Variants in GJA3 observed in about 807,000 individuals in gnomAD.
GJA3 encodes gap junction alpha-3 protein.
For synonymous variants in GJA3, 297 were observed against 292.6 expected (o/e 1.02, Z -0.15); for missense variants, 571 against 620.3 (o/e 0.92, Z 0.84).
intron 1 of GJA3, among the ~76,000 whole-genome samples, chr13:20,151,973 C>T (rs2141143272): frequency 6.6e-6 from 1 of 152,214 alleles, no homozygotes; most frequent in African/African-American, 2.4e-5. Flanking sequence ...CGGGAGGGCA[C>T]CAGCACTGGT....
chr13:20,147,796 T>C (rs1958852024), intron 1 of GJA3, among the ~76,000 whole-genome samples: 1 of 152,222 alleles, frequency 6.6e-6, no homozygotes, highest in South Asian at 2.1e-4. Flanking sequence ...TTCATTGCTT[T>C]AATCATGTCT....
At chr13:20,161,484 C>T (rs1339689257), upstream of GJA3, among the ~76,000 whole-genome samples, 1 of 152,098 alleles carries the variant, frequency 6.6e-6, no homozygotes, top group South Asian at 2.1e-4. Flanking sequence ...TCCGGGCGCT[C>T]CCACGGTCGG....
In GJA3 at chr13:20,141,910, G is replaced by C. The variant is rs1262873198; in HGVS notation, c.*71C>G. ...ACTTTCAGGTTCTATCTGCTGGTGGGAAGTGCACTTTGGTTTTGGTTTCTA... is the reference window on the plus strand; with the variant it reads ...ACTTTCAGGTTCTATCTGCTGGTGGCAAGTGCACTTTGGTTTTGGTTTCTA... On this transcript the variant is annotated 3_prime_UTR_variant, in exon 2 of 2. Coordinates refer to ENST00000241125, the MANE Select transcript of GJA3 (RefSeq NM_021954.4). The C allele has an allele frequency of 6.5e-7, 1 of 1,533,030 alleles. No individual in the cohort carries two copies. Among genetic ancestry groups the C allele is most frequent in the Non-Finnish European group, 8.8e-7 (1 of 1,134,100 alleles). 95.0% of individuals were successfully genotyped at this position (1,533,030 alleles called of 1,614,324 possible). A position where few individuals can be genotyped will look rare whatever the true frequency, so the allele number is the denominator to read the frequency against.
In GJA3 at chr13:20,140,364, C is replaced by T. The variant is rs919522836; in HGVS notation, c.*1617G>A. ...GAATCTGAGACTTGGAAATTGCATT[C>T]CTTTCATCAGATTGTTAGTGGAGCA... is the stretch of plus-strand genomic sequence containing the variant. On this transcript the variant is annotated 3_prime_UTR_variant, in exon 2 of 2. Coordinates refer to ENST00000241125, the MANE Select transcript of GJA3 (RefSeq NM_021954.4). 1.7e-4 allele frequency: 26 copies of T among 152,150 alleles called. No homozygotes were observed. Among genetic ancestry groups the T allele is most frequent in the African/African-American group, 5.6e-4 (23 of 41,434 alleles). The allele number at this position is 152,150 out of a possible 1,614,324, so 9.4% of individuals were successfully genotyped here. A position where few individuals can be genotyped will look rare whatever the true frequency, so the allele number is the denominator to read the frequency against.
intron 1 of GJA3, among the ~76,000 whole-genome samples, chr13:20,147,841 C>A (rs554356057): frequency 2.6e-5 from 4 of 152,248 alleles, no homozygotes; most frequent in African/African-American, 9.6e-5. Context: ...ATACACTTTG[C>A]ACGCTTAGCC....
At position 20,142,755 on chromosome 13, in the gene GJA3, G is replaced by A; in HGVS notation, c.534C>T (p.Leu178=). The A allele has an allele frequency of 6.2e-7, 1 of 1,613,652 alleles. No individual in the cohort carries two copies. Among genetic ancestry groups the A allele is most frequent in the Non-Finnish European group, 8.5e-7 (1 of 1,179,934 alleles). ...GGCAGGGCCAGCGGTCGCAGCGGTA[G>A]AGCGGCTTCAGCTCGAAGCCGTACA... ...YFLYGFELKP[L]YRCDRWPCPN... The change falls in exon 2 of 2, where the codon CTC becomes CTT. Residue 178 remains leucine, a synonymous_variant. Transcript: ENST00000241125.
intron 1 of GJA3, among the ~76,000 whole-genome samples, chr13:20,148,253 C>CTTTTTTT (rs71074204): frequency 1.9e-4 from 17 of 90,732 alleles, no homozygotes; most frequent in Non-Finnish European, 2.6e-4. Context: ...TACTATGGTT[C>CTTTTTTT]TTTTTTTTTT....
intron 1 of GJA3, among the ~76,000 whole-genome samples, chr13:20,151,315 T>C (rs1448894518): frequency 1.3e-5 from 2 of 151,926 alleles, no homozygotes; most frequent in East Asian, 3.9e-4. Context: ...GTGGAAGAGA[T>C]CAGCTCCTGC....
At chr13:20,148,210 T>TGACATGCA (rs1171385938) in intron 1 of GJA3, among the ~76,000 whole-genome samples, 3 of 151,284 alleles carry the variant, frequency 2.0e-5, no homozygotes, top group Non-Finnish European at 4.4e-5. Context: ...TGGCTCTGGA[T>TGACATGCA]GACATGCAGA....
At chr13:20,143,467 A>T (rs1958825325) in intron 1 of GJA3, among the ~76,000 whole-genome samples, 162 bp from the exon 2 acceptor site, 2 of 152,348 alleles carry the variant, frequency 1.3e-5, no homozygotes, top group Middle Eastern at 3.4e-3. Context: ...ACGAGCAGGC[A>T]CTACACAAGT....
chr13:20,148,904 C>T (rs1958860004), intron 1 of GJA3, among the ~76,000 whole-genome samples: 1 of 152,244 alleles, frequency 6.6e-6, no homozygotes, highest in Non-Finnish European at 1.5e-5. Flanking sequence ...GGTTACACAG[C>T]ACTGTGTGGC....
At chr13:20,159,446 G>C (rs971572261) in intron 1 of GJA3, among the ~76,000 whole-genome samples, 5 of 97,796 alleles carry the variant, frequency 5.1e-5, no homozygotes, top group Non-Finnish European at 9.0e-5. Context: ...GACAGAGCGA[G>C]ACTCCATCTC....
intron 1 of GJA3, among the ~76,000 whole-genome samples, chr13:20,151,122 C>A: frequency 1.4e-5 from 1 of 69,130 alleles, no homozygotes; most frequent in East Asian, 4.4e-4. Flanking sequence ...GAGGGTGGGG[C>A]GGGAGCAAGG....
In GJA3 at chr13:20,142,052, C is replaced by T. The variant is rs1459445431; in HGVS notation, c.1237G>A (p.Asp413Asn). 1.9e-6 allele frequency: 3 copies of T among 1,550,252 alleles called. No individual in the cohort carries two copies. The highest frequency in any genetic ancestry group is 2.0e-5 in the Admixed American group (1 of 51,000). Reference protein sequence around the residue: ...QMHQPPLPLGDPGRASKASRA... With the variant: ...QMHQPPLPLGNPGRASKASRA... Reference sequence around the variant, plus strand: ...CTGGCCTTGCTGGCCCGACCTGGGTCTCCGAGGGGCAAGGGCGGCTGGTGC... The same window carrying T: ...CTGGCCTTGCTGGCCCGACCTGGGTTTCCGAGGGGCAAGGGCGGCTGGTGC... The change falls in exon 2 of 2, where the codon GAC becomes AAC. Residue 413 changes from aspartate to asparagine, a missense_variant. Physicochemically the swap from Asp to Asn is conservative, Grantham distance 23. Coordinates refer to ENST00000241125, the MANE Select transcript of GJA3 (RefSeq NM_021954.4).
rs190526923 is a variant in GJA3, at chr13:20,138,501, G to A, written c.*3480C>T. 2 of 152,106 alleles carry A rather than the reference G, an allele frequency of 1.3e-5. No individual in the cohort carries two copies. Among genetic ancestry groups the A allele is most frequent in the African/African-American group, 4.8e-5 (2 of 41,414 alleles). 9.4% of individuals were successfully genotyped at this position (152,106 alleles called of 1,614,324 possible). A position where few individuals can be genotyped will look rare whatever the true frequency, so the allele number is the denominator to read the frequency against. The stretch of plus-strand genomic sequence containing the variant: ...TATTATAATGTTCTGTAACGTAAAG[G>A]GGAAAAAATATTTTGGGCAGTCAGA... On this transcript the variant is annotated 3_prime_UTR_variant, in exon 2 of 2. Coordinates refer to ENST00000241125, the MANE Select transcript of GJA3 (RefSeq NM_021954.4).
Position 20,141,828 on chromosome 13 carries a change from C to G in GJA3, c.*153G>C. 8.8e-7 allele frequency: 1 copy of G among 1,131,688 alleles called. No homozygotes were observed. Among genetic ancestry groups the G allele is most frequent in the Non-Finnish European group, 1.2e-6 (1 of 804,012 alleles). The allele number at this position is 1,131,688 out of a possible 1,614,324, so 70.1% of individuals were successfully genotyped here. On this transcript the variant is annotated 3_prime_UTR_variant, in exon 2 of 2. Transcript: ENST00000241125. ...GAACAGCAAGCATTGAACACGGAAA[C>G]CTGATCTCTCCTCCATCGTCCACCT...
Position 20,139,692 on chromosome 13 carries a change from C to T in GJA3, c.*2289G>A, listed in dbSNP as rs189834660. The T allele has an allele frequency of 6.6e-6, 1 of 152,294 alleles. No homozygotes were observed. The highest frequency in any genetic ancestry group is 2.4e-5 in the African/African-American group (1 of 41,556). 9.4% of individuals were successfully genotyped at this position (152,294 alleles called of 1,614,324 possible). ...ATCTAATTCTACACTCCTATCCACT[C>T]TAAATGGACCCACTAGACTATGGTC... On this transcript the variant is annotated 3_prime_UTR_variant, in exon 2 of 2. Transcript: ENST00000241125.
chr13:20,161,423 G>A (rs1163831970), upstream of GJA3, among the ~76,000 whole-genome samples: 4 of 152,130 alleles, frequency 2.6e-5, no homozygotes, highest in Non-Finnish European at 4.4e-5. Context: ...GCCAGCCCGC[G>A]CCCCGCTCGC....
At chr13:20,159,888 T>G (rs1322978404) in intron 1 of GJA3, among the ~76,000 whole-genome samples, 1 of 152,216 alleles carries the variant, frequency 6.6e-6, no homozygotes, top group Non-Finnish European at 1.5e-5. Context: ...TCTTTAATCT[T>G]TTAATGTTTG....
Sources: allele counts gnomAD v4.1 joint callset (sites outside exome capture counted in the v4.1 genomes callset), GRCh38; gene constraint gnomAD v4.1.1; transcripts MANE v1.5; gene names NCBI Gene and HGNC (gene_info 2026-07-23, HGNC 2026-07-21).